The following COPS6 variants were observed in gnomAD, a reference collection of about 807,000 sequenced individuals.
COPS6 encodes COP9 signalosome subunit 6.
Under a neutral mutation model 41.0 loss-of-function variants are expected in COPS6, and 9 were observed. That is an observed-to-expected ratio of 0.22 (90% CI 0.13 to 0.38). The LOEUF (loss-of-function observed/expected upper bound fraction) is 0.38, where lower values mean the gene tolerates loss of function less well. Ranked by LOEUF, COPS6 falls within the 10% of genes least tolerant of loss-of-function variation. The probability of loss-of-function intolerance (pLI) is 1.00; values close to 1 mark genes in which losing one functional copy is unlikely to be tolerated. For synonymous variants in COPS6, 179 were observed against 162.9 expected (o/e 1.10, Z -0.75); for missense variants, 302 against 436.7 (o/e 0.69, Z 2.75).
rs1795336087 is a variant in COPS6 at position 100,091,993 on chromosome 7, A to G, written c.*204A>G. The G allele has an allele frequency of 1.6e-6, 1 of 622,364 alleles. No individual in the cohort carries two copies. The highest frequency in any genetic ancestry group is 1.8e-5 in the African/African-American group (1 of 54,252). The allele number at this position is 622,364 out of a possible 1,614,324, so 38.6% of individuals were successfully genotyped here. ...CGAGGCTCATTCTGGCCTTGCTCAG[A>G]AGCCCTTCTGATGCTCTTCAGTGAG... On this transcript the variant is annotated 3_prime_UTR_variant, in exon 10 of 10. Transcript: ENST00000303904. The surrounding 1 kb of genome is among the most constrained non-coding windows in gnomAD (Gnocchi z 4.1).
chr7:100,091,472 C>G lies in COPS6; in HGVS notation c.795C>G (p.His265Gln), dbSNP rs1360963062. Residue 265 changes from histidine (H) to glutamine (Q), a missense_variant, in exon 9 of 10, where the codon CAC becomes CAG. Physicochemically the swap from His to Gln is conservative, Grantham distance 24. Transcript: ENST00000303904. The surrounding 1 kb of genome is among the most constrained non-coding windows in gnomAD (Gnocchi z 4.1). ...EILREAYALC[H>Q]CLPVLSTDKF... ...TGCGGGAGGCCTATGCTCTGTGTCA[C>G]TGTCTCCCGGTGCTCAGCACAGACA... is the stretch of plus-strand genomic sequence containing the variant. The G allele has an allele frequency of 6.2e-7, 1 of 1,614,196 alleles. No individual in the cohort carries two copies. The highest frequency in any genetic ancestry group is 1.7e-5 in the Admixed American group (1 of 60,026).
chr7:100,092,084 G>A lies in COPS6; in HGVS notation c.*295G>A. The A allele has an allele frequency of 2.4e-6, 1 of 416,786 alleles. No individual in the cohort carries two copies. Among genetic ancestry groups the A allele is most frequent in the Non-Finnish European group, 4.4e-6 (1 of 228,598 alleles). The allele number at this position is 416,786 out of a possible 1,614,324, so 25.8% of individuals were successfully genotyped here. On this transcript the variant is annotated 3_prime_UTR_variant, in exon 10 of 10. Transcript: ENST00000303904. ...GGACTGGTCTTTAGCAAAGTCCAAGGCTGCCTGCTTCCACCTAAGTGGTCT... is the reference window on the plus strand; with the variant it reads ...GGACTGGTCTTTAGCAAAGTCCAAGACTGCCTGCTTCCACCTAAGTGGTCT...
Position 100,091,458 on chromosome 7 carries a change from T to C in COPS6, c.781T>C (p.Tyr261His), listed in dbSNP as rs747607635. 1.2e-6 allele frequency: 2 copies of C among 1,614,182 alleles called. No homozygotes were observed. The highest frequency in any genetic ancestry group is 1.7e-6 in the Non-Finnish European group (2 of 1,180,018). The stretch of plus-strand genomic sequence containing the variant: ...TAATCATGAGATCCTGCGGGAGGCC[T>C]ATGCTCTGTGTCACTGTCTCCCGGT... ...PFNHEILREA[Y>H]ALCHCLPVLS... is the part of the protein sequence containing the mutation. Residue 261 changes from tyrosine (Y) to histidine (H), a missense_variant, in exon 9 of 10, where the codon TAT becomes CAT. Coordinates refer to ENST00000303904, the MANE Select transcript of COPS6 (RefSeq NM_006833.5). The surrounding 1 kb of genome is among the most constrained non-coding windows in gnomAD (Gnocchi z 4.1).
At position 100,091,163 on chromosome 7, in the gene COPS6, G is replaced by A. The variant is rs763127055; in HGVS notation, c.649+11G>A. On this transcript the variant is annotated intron_variant, in intron 7 of 9. Coordinates refer to ENST00000303904, the MANE Select transcript of COPS6 (RefSeq NM_006833.5). The surrounding 1 kb of genome is among the most constrained non-coding windows in gnomAD (Gnocchi z 4.1). Reference sequence around the variant, plus strand: ...GAGAGAACTCCACTGGTAATGGAGGGGATTCCTTGGAAGTGGGGTTGGAAG... The same window carrying A: ...GAGAGAACTCCACTGGTAATGGAGGAGATTCCTTGGAAGTGGGGTTGGAAG... The A allele has an allele frequency of 3.7e-6, 6 of 1,613,694 alleles. No homozygotes were observed. The East Asian group carries it at 1.3e-4, about 36-fold the overall frequency.
chr7:100,090,293 A>G, intron 3 of COPS6, 106 bp from the exon 4 acceptor site: 1 of 776,212 alleles, frequency 1.3e-6, no homozygotes, highest in Non-Finnish European at 2.1e-6. Context: ...GGTTGTGGTG[A>G]GCTGAGATCA....
chr7:100,089,713 GA>G lies in COPS6; in HGVS notation c.302del (p.Asp101AlafsTer52). The G allele has an allele frequency of 6.2e-7, 1 of 1,613,940 alleles. No homozygotes were observed. The highest frequency in any genetic ancestry group is 8.5e-7 in the Non-Finnish European group (1 of 1,179,972). On this transcript the variant is annotated frameshift_variant, in exon 3 of 10. Coordinates refer to ENST00000303904, the MANE Select transcript of COPS6 (RefSeq NM_006833.5). LOFTEE classifies it high-confidence loss of function. ...CACCGTGGAAGAGAAGATTATCATT[GA>G]CAAGGAATATTATTACACCAAGGAG... The part of the protein sequence containing the change: ...SHTVEEKIII[D>X]KEYYYTKEEQ...
At position 100,089,008 on chromosome 7, in the gene COPS6, G is replaced by T; in HGVS notation, c.18G>T (p.Ala6=). The change falls in exon 1 of 10, where the codon GCG becomes GCT. Residue 6 remains alanine, a synonymous_variant. Transcript: ENST00000303904. ...CGGGGAAAATGGCGGCGGCGGCGGCGGCGGCTGCAGCTACGAACGGGACCG... is the reference window on the plus strand; with the variant it reads ...CGGGGAAAATGGCGGCGGCGGCGGCTGCGGCTGCAGCTACGAACGGGACCG... MAAAA[A]AAAATNGTGG... The T allele has an allele frequency of 1.5e-6, 2 of 1,311,712 alleles. No individual in the cohort carries two copies. The allele number at this position is 1,311,712 out of a possible 1,614,324, so 81.3% of individuals were successfully genotyped here. A position where few individuals can be genotyped will look rare whatever the true frequency, so the allele number is the denominator to read the frequency against.
At chr7:100,089,112 T>C in intron 1 of COPS6, 46 bp downstream of exon 1, 1 of 1,438,674 alleles carries the variant, frequency 7.0e-7, no homozygotes. Context: ...CCTTCAGGGG[T>C]TCGTTGAGGC....
At chr7:100,090,878 C>T in intron 5 of COPS6, 24 bp from the exon 6 acceptor site, 5 of 1,613,834 alleles carry the variant, frequency 3.1e-6, no homozygotes, top group Non-Finnish European at 4.2e-6. Context: ...ATATAGTGTT[C>T]AGGTTTCTCC....
Position 100,091,538 on chromosome 7 carries a change from A to G in COPS6, c.843+18A>G. The G allele has an allele frequency of 3.1e-6, 5 of 1,613,768 alleles. No individual in the cohort carries two copies. The highest frequency in any genetic ancestry group is 4.2e-6 in the Non-Finnish European group (5 of 1,179,712). Reference sequence around the variant, plus strand: ...TTTATGATGTGAGTGTAAAACCCGGATGGGGAGGCGGGGCTTATGCTGTCA... The same window carrying G: ...TTTATGATGTGAGTGTAAAACCCGGGTGGGGAGGCGGGGCTTATGCTGTCA... On this transcript the variant is annotated intron_variant, in intron 9 of 9. Coordinates refer to ENST00000303904, the MANE Select transcript of COPS6 (RefSeq NM_006833.5). The surrounding 1 kb of genome is among the most constrained non-coding windows in gnomAD (Gnocchi z 4.1).
At chr7:100,090,516 G>A (rs751770443) in intron 4 of COPS6, 29 bp downstream of exon 4, 2 of 1,610,824 alleles carry the variant, frequency 1.2e-6, no homozygotes, top group Non-Finnish European at 8.5e-7. Flanking sequence ...GTGCATGCTG[G>A]GGCAGAGAAT....
Position 100,091,409 on chromosome 7 carries a change from T to C in COPS6, c.743-11T>C, listed in dbSNP as rs1225369972. ...CATCCAAACTAATGTAGTCTCTTTT[T>C]GTGCCTTTAGGAGAGGTCCCCTTTA... is the stretch of plus-strand genomic sequence containing the variant. On this transcript the variant is annotated splice_polypyrimidine_tract_variant and intron_variant, in intron 8 of 9. Transcript: ENST00000303904. This position sits in a 1 kb window ranked among gnomAD's most constrained non-coding sequence, Gnocchi z 4.1. 6.2e-7 allele frequency: 1 copy of C among 1,613,896 alleles called. No homozygotes were observed. Among genetic ancestry groups the C allele is most frequent in the South Asian group, 1.1e-5 (1 of 91,088 alleles).
In COPS6 at chr7:100,092,090, T is replaced by C. The variant is rs1350640530; in HGVS notation, c.*301T>C. 1 of 400,184 alleles carries C rather than the reference T, an allele frequency of 2.5e-6. No individual in the cohort carries two copies. Among genetic ancestry groups the C allele is most frequent in the African/African-American group, 2.0e-5 (1 of 49,796 alleles). 24.8% of individuals were successfully genotyped at this position (400,184 alleles called of 1,614,324 possible). A position where few individuals can be genotyped will look rare whatever the true frequency, so the allele number is the denominator to read the frequency against. On this transcript the variant is annotated 3_prime_UTR_variant, in exon 10 of 10. Transcript: ENST00000303904. ...GTCTTTAGCAAAGTCCAAGGCTGCC[T>C]GCTTCCACCTAAGTGGTCTCTGTTC...
At chr7:100,089,557 C>T (rs1357699495) in intron 2 of COPS6, 58 bp from the exon 3 acceptor site, 2 of 1,601,342 alleles carry the variant, frequency 1.2e-6, no homozygotes, top group Non-Finnish European at 1.7e-6. Flanking sequence ...TGATCTCAGA[C>T]CCTCAGGTCA....
chr7:100,089,179 A>G, intron 1 of COPS6, 111 bp from the exon 2 acceptor site: 1 of 1,516,262 alleles, frequency 6.6e-7, no homozygotes, highest in Non-Finnish European at 8.8e-7. Flanking sequence ...TTTCCCTGGG[A>G]TAAGTTACGG....
rs1465450009 is a variant in COPS6, at chr7:100,090,442, C to T, written c.378C>T (p.Thr126=). Residue 126 remains threonine (T), a synonymous_variant, in exon 4 of 10, where the codon ACC becomes ACT. Transcript: ENST00000303904. ...AGCTGGAGTTTCTGGGTTGGTATAC[C>T]ACAGGGGGGCCACCTGACCCCTCGG... ...FKELEFLGWY[T]TGGPPDPSDI... 1.9e-6 allele frequency: 3 copies of T among 1,613,982 alleles called. No homozygotes were observed. The highest frequency in any genetic ancestry group is 1.3e-5 in the African/African-American group (1 of 74,962).
chr7:100,089,304 A>G lies in COPS6; in HGVS notation c.91A>G (p.Met31Val). 2 of 1,614,012 alleles carry G rather than the reference A, an allele frequency of 1.2e-6. No homozygotes were observed. Among genetic ancestry groups the G allele is most frequent in the Non-Finnish European group, 1.7e-6 (2 of 1,179,982 alleles). Residue 31 changes from methionine (M) to valine (V), a missense_variant, in exon 2 of 10, where the codon ATG becomes GTG. Coordinates refer to ENST00000303904, the MANE Select transcript of COPS6 (RefSeq NM_006833.5). ...TCCACCCTTAGTAGTCCCCAGCGTG[A>G]TGGCCTGCGGAGTGACTGGGAGTGT... Reference protein sequence around the residue: ...EVDAAVVPSVMACGVTGSVSV... With the variant: ...EVDAAVVPSVVACGVTGSVSV...
Position 100,091,664 on chromosome 7 carries a change from G to A in COPS6, c.859G>A (p.Gly287Arg), listed in dbSNP as rs1266639590. ...TDFYDQCNDV[G>R]LMAYLGTITK... ...TCCCTCCCAGCAATGCAACGACGTG[G>A]GGCTCATGGCCTACCTCGGCACCAT... The change falls in exon 10 of 10, where the codon GGG becomes AGG. Residue 287 changes from glycine to arginine, a missense_variant. Gly to Arg is a moderately radical substitution (Grantham distance 125). Around this residue, in one of 3 missense-constraint regions of COPS6, gnomAD observed 222 missense variants for 309.0 expected, o/e 0.72. Transcript: ENST00000303904. The surrounding 1 kb of genome is among the most constrained non-coding windows in gnomAD (Gnocchi z 4.1). 6.2e-7 allele frequency: 1 copy of A among 1,614,206 alleles called. No individual in the cohort carries two copies. The highest frequency in any genetic ancestry group is 1.7e-5 in the Admixed American group (1 of 60,018).
In COPS6 at chr7:100,091,040, C is replaced by T. The variant is rs751833058; in HGVS notation, c.537C>T (p.Ala179=). Reference sequence around the variant, plus strand: ...TTGTGGGTTACCTTGCCCTGTAGGCCACAATGCTGTTTGCTGAGCTGACCT... The same window carrying T: ...TTGTGGGTTACCTTGCCCTGTAGGCTACAATGCTGTTTGCTGAGCTGACCT... ...ESVIDIINGE[A]TMLFAELTYT... Residue 179 remains alanine, a splice_region_variant and synonymous_variant, in exon 7 of 10, where the codon GCC becomes GCT. Coordinates refer to ENST00000303904, the MANE Select transcript of COPS6 (RefSeq NM_006833.5). This position sits in a 1 kb window ranked among gnomAD's most constrained non-coding sequence, Gnocchi z 4.1. The T allele has an allele frequency of 6.2e-7, 1 of 1,614,174 alleles. No homozygotes were observed. The highest frequency in any genetic ancestry group is 1.1e-5 in the South Asian group (1 of 91,084).
Sources: allele counts gnomAD v4.1 joint callset, GRCh38; gene constraint gnomAD v4.1.1; regional missense constraint gnomAD v4.1.1; non-coding constraint Gnocchi (gnomAD v3.1); transcripts MANE v1.5; gene names NCBI Gene and HGNC (gene_info 2026-07-23, HGNC 2026-07-21).